Variants in PAX4 observed in about 807,000 individuals in gnomAD.
The protein encoded by PAX4 is paired box 4, also known as paired box protein Pax-4.
In PAX4, 33 loss-of-function variants were observed where a neutral mutation model predicts 40.6. That is an observed-to-expected ratio of 0.81 (90% CI 0.62 to 1.09). PAX4 has a LOEUF of 1.09. Among genes scored for constraint, PAX4 ranks in the 50% least tolerant of loss-of-function variants. The pLI is 0.00. For missense variants in PAX4, 459 were observed against 442.5 expected, an observed-to-expected ratio of 1.04 and a Z score of -0.33; for synonymous variants, 174 against 170.6, an observed-to-expected ratio of 1.02 and a Z score of -0.16.
intron 3 of PAX4, 165 bp downstream of exon 3, chr7:127,615,751 T>G: frequency 1.3e-6 from 2 of 1,498,746 alleles, no homozygotes; most frequent in Admixed American, 4.2e-5. Flanking sequence ...CCGCCAACTC[T>G]CCTGATCTAA....
Position 127,610,828 on chromosome 7 carries a change from C to T in PAX4, c.*236G>A, listed in dbSNP as rs1166295568. 6.6e-7 allele frequency: 1 copy of T among 1,516,450 alleles called. No individual in the cohort carries two copies. Among genetic ancestry groups the T allele is most frequent in the East Asian group, 2.4e-5 (1 of 40,838 alleles). 93.9% of individuals were successfully genotyped at this position (1,516,450 alleles called of 1,614,324 possible). A position where few individuals can be genotyped will look rare whatever the true frequency, so the allele number is the denominator to read the frequency against. On this transcript the variant is annotated 3_prime_UTR_variant, in exon 12 of 12. Coordinates refer to ENST00000639438, the MANE Select transcript of PAX4 (RefSeq NM_001366110.1). ...CTGCTAATAAAAACAGCTTTTATTA[C>T]TGCTGAGTGGAGGCCTCTTAAGGCT...
In PAX4 at chr7:127,615,166, G is replaced by C. The variant is rs572475892; in HGVS notation, c.145-71C>G. The C allele has an allele frequency of 5.3e-4, 860 of 1,611,430 alleles. 3 individuals carry two copies. The highest frequency in any genetic ancestry group is 3.2e-3 in the South Asian group (290 of 91,006). ...AGGAAGGAGAGTGTCCCTGGGACAG[G>C]AGGAGGCTATAAGACAAAGCCAAGA... is the stretch of plus-strand genomic sequence containing the variant. On this transcript the variant is annotated intron_variant, in intron 4 of 11. Transcript: ENST00000639438.
chr7:127,611,243 T>C, intron 11 of PAX4, 37 bp from the exon 12 acceptor site: 1 of 1,533,992 alleles, frequency 6.5e-7, no homozygotes, highest in South Asian at 1.2e-5. Context: ...GGGTTATTGC[T>C]CCCACCCCAC....
intron 11 of PAX4, 63 bp from the exon 12 acceptor site, chr7:127,611,269 T>C: frequency 6.9e-7 from 1 of 1,454,552 alleles, no homozygotes; most frequent in Middle Eastern, 2.4e-4. Flanking sequence ...AAAGTCACTA[T>C]GGGAGAGAGG....
intron 6 of PAX4, 134 bp from the exon 7 acceptor site, chr7:127,614,015 A>G: frequency 9.6e-7 from 1 of 1,043,516 alleles, no homozygotes; most frequent in Non-Finnish European, 1.4e-6. Context: ...TGGGGCATTC[A>G]TAGTTATTAG....
Position 127,611,644 on chromosome 7 carries a change from C to T in PAX4, c.804G>A (p.Leu268=). The part of the protein sequence containing the change: ...QSPGSVPTAA[L]PALEPLGPSC... ...AGGGACCCAGTGGTTCCAGGGCAGGCAGGGCTGCTGTGGGCACACTGCCAG... is the reference window on the plus strand; with the variant it reads ...AGGGACCCAGTGGTTCCAGGGCAGGTAGGGCTGCTGTGGGCACACTGCCAG... The change falls in exon 11 of 12, where the codon CTG becomes CTA. Residue 268 remains leucine, a synonymous_variant. Transcript: ENST00000639438. 1 of 1,613,116 alleles carries T rather than the reference C, an allele frequency of 6.2e-7. No individual in the cohort carries two copies. The highest frequency in any genetic ancestry group is 8.5e-7 in the Non-Finnish European group (1 of 1,179,938).
chr7:127,615,380 G>T, intron 4 of PAX4, 21 bp downstream of exon 4: 1 of 1,614,100 alleles, frequency 6.2e-7, no homozygotes. Context: ...CCATCACTGG[G>T]TAAAGGTGCT....
In PAX4 at chr7:127,615,095, C is replaced by T. The variant is rs761898311; in HGVS notation, c.145G>A (p.Val49Ile). 2 of 1,614,166 alleles carry T rather than the reference C, an allele frequency of 1.2e-6. No individual in the cohort carries two copies. Among genetic ancestry groups the T allele is most frequent in the Non-Finnish European group, 1.7e-6 (2 of 1,180,038 alleles). The change falls in exon 5 of 12, where the codon GTA (valine) becomes ATA (isoleucine). Residue 49 changes from valine (V) to isoleucine (I), a missense_variant and splice_region_variant. Val to Ile is a conservative substitution (Grantham distance 29). Transcript: ENST00000639438. Reference sequence around the variant, plus strand: ...ATCTTGCTCACACAGCCATTAGATACCTGAGTCAGGTGAGAAGCAGGGACA... The same window carrying T: ...ATCTTGCTCACACAGCCATTAGATATCTGAGTCAGGTGAGAAGCAGGGACA... ...RPCDISRILK[V>I]SNGCVSKILG...
At chr7:127,615,634 G>C (rs985317942) in intron 3 of PAX4, 103 bp from the exon 4 acceptor site, 1 of 1,599,362 alleles carries the variant, frequency 6.3e-7, no homozygotes, top group Admixed American at 1.7e-5. Flanking sequence ...CCACCACCGA[G>C]TGCATCCTCT....
At chr7:127,615,116 G>T in intron 4 of PAX4, 21 bp from the exon 5 acceptor site, 1 of 1,614,078 alleles carries the variant, frequency 6.2e-7, no homozygotes, top group Non-Finnish European at 8.5e-7. Context: ...TGAGAAGCAG[G>T]GACAGGTGAG....
At position 127,615,937 on chromosome 7, in the gene PAX4, C is replaced by T. The variant is rs1252516233; in HGVS notation, c.-9G>A. The T allele has an allele frequency of 5.9e-6, 9 of 1,536,010 alleles. No homozygotes were observed. Among genetic ancestry groups the T allele is most frequent in the Non-Finnish European group, 7.0e-6 (8 of 1,146,934 alleles). On this transcript the variant is annotated 5_prime_UTR_variant, in exon 3 of 12. Coordinates refer to ENST00000639438, the MANE Select transcript of PAX4 (RefSeq NM_001366110.1). ...TCACCGTCCTGATGCATGCTCCAGG[C>T]TGACCCTCCTCAGAAGGATGAGACT...
At chr7:127,611,325 G>A (rs908785324) in intron 11 of PAX4, 119 bp from the exon 12 acceptor site, 14 of 1,301,406 alleles carry the variant, frequency 1.1e-5, no homozygotes, top group Non-Finnish European at 1.5e-5. Context: ...TTGAATCCCA[G>A]TCTCACATCC....
rs1794634354 is a variant in PAX4, at chr7:127,611,987, C to T, written c.729G>A (p.Gly243=). The T allele has an allele frequency of 6.2e-7, 1 of 1,613,980 alleles. No individual in the cohort carries two copies. The highest frequency in any genetic ancestry group is 8.5e-7 in the Non-Finnish European group (1 of 1,179,992). The change falls in exon 10 of 12, where the codon GGG becomes GGA. Residue 243 remains glycine, a synonymous_variant. Coordinates refer to ENST00000639438, the MANE Select transcript of PAX4 (RefSeq NM_001366110.1). ...WEMQLPGASQ[G]LTVPRVAPGI... is the part of the protein sequence containing the mutation. ...CTGGGGCAACCCTTGGTACAGTCAG[C>T]CCCTGGGAAGCACCTATAAAATGAG...
intron 5 of PAX4, 146 bp downstream of exon 5, chr7:127,614,733 CT>C: frequency 7.9e-7 from 1 of 1,273,550 alleles, no homozygotes; most frequent in Non-Finnish European, 1.1e-6. Context: ...ATTACCACCA[CT>C]TTTCAAAAGA....
At position 127,613,773 on chromosome 7, in the gene PAX4, G is replaced by A. The variant is rs1290905638; in HGVS notation, c.545C>T (p.Ala182Val). ...CCCAGCACCTTTCTCCAGTGCCTCT[G>A]CTTGGCTTGGGGAGAAGATAGTCCG... ...RNRTIFSPSQ[A>V]EALEKEFQRG... The change falls in exon 7 of 12, where the codon GCA becomes GTA. Residue 182 changes from alanine (A) to valine (V), a missense_variant. Coordinates refer to ENST00000639438, the MANE Select transcript of PAX4 (RefSeq NM_001366110.1). 11 of 1,613,902 alleles carry A rather than the reference G, an allele frequency of 6.8e-6. No individual in the cohort carries two copies. The highest frequency in any genetic ancestry group is 1.6e-4 in the Middle Eastern group (1 of 6,066).
intron 8 of PAX4, 87 bp from the exon 9 acceptor site, chr7:127,613,178 C>G (rs1180338473): frequency 8.6e-7 from 1 of 1,162,894 alleles, no homozygotes; most frequent in African/African-American, 1.5e-5. Flanking sequence ...AGCCTGAACT[C>G]AGAATGTTGA....
At chr7:127,614,624 G>T in intron 5 of PAX4, 67 bp from the exon 6 acceptor site, 2 of 1,344,344 alleles carry the variant, frequency 1.5e-6, no homozygotes, top group Non-Finnish European at 2.1e-6. Flanking sequence ...TGAGGATGTT[G>T]CCCTTAATAT....
intron 2 of PAX4, 41 bp from the exon 3 acceptor site, chr7:127,616,068 G>C: frequency 9.9e-7 from 1 of 1,011,848 alleles, no homozygotes. Flanking sequence ...TCTTTTGCTT[G>C]AAATGGTCCT....
At chr7:127,612,962 TG>T in intron 9 of PAX4, 59 bp downstream of exon 9, 1 of 1,244,968 alleles carries the variant, frequency 8.0e-7, no homozygotes, top group South Asian at 1.2e-5. Context: ...GATGGATGGA[TG>T]GATGGATGGA....
Sources: allele counts gnomAD v4.1 joint callset, GRCh38; gene constraint gnomAD v4.1.1; transcripts MANE v1.5; gene names NCBI Gene and HGNC (gene_info 2026-07-23, HGNC 2026-07-21).